Variants in PDE10A observed in about 807,000 individuals in gnomAD.
The protein encoded by PDE10A is phosphodiesterase 10A.
In PDE10A, 39 loss-of-function variants were observed where a neutral mutation model predicts 97.7. The observed-to-expected ratio is 0.40, with a 90% confidence interval of 0.31 to 0.52. PDE10A has a LOEUF of 0.52. Ranked by LOEUF, PDE10A falls within the 20% of genes least tolerant of loss-of-function variation. The pLI is 0.56. For missense variants in PDE10A, 731 were observed against 1,047.8 expected, an observed-to-expected ratio of 0.70 and a Z score of 4.17; for synonymous variants, 371 against 376.8, an observed-to-expected ratio of 0.98 and a Z score of 0.18.
At chr6:165,650,572 C>T (rs541531160) in intron 1 of PDE10A, among the ~76,000 whole-genome samples, 2 of 152,294 alleles carry the variant, frequency 1.3e-5, no homozygotes, top group South Asian at 4.1e-4. Flanking sequence ...TCTGGACATT[C>T]GTTTACACTG....
chr6:165,605,046 ACT>A (rs1359815676), intron 1 of PDE10A, among the ~76,000 whole-genome samples: 12 of 151,940 alleles, frequency 7.9e-5, no homozygotes, highest in Non-Finnish European at 1.8e-4. Context: ...TCTTTGCCTC[ACT>A]CTTTACATTT....
intron 2 of PDE10A, among the ~76,000 whole-genome samples, chr6:165,542,853 C>T (rs973411859): frequency 6.6e-6 from 1 of 151,780 alleles, no homozygotes. Flanking sequence ...CTCCTGACCT[C>T]GTGATCCGCC....
At chr6:165,622,964 C>A (rs1009390308) in intron 1 of PDE10A, among the ~76,000 whole-genome samples, 14 of 152,082 alleles carry the variant, frequency 9.2e-5, no homozygotes, top group South Asian at 4.2e-4. Context: ...CTCCTCCCCC[C>A]ACCCTTACTC....
intron 1 of PDE10A, among the ~76,000 whole-genome samples, chr6:165,755,824 T>C (rs898535194): frequency 2.6e-5 from 4 of 152,304 alleles, no homozygotes; most frequent in Non-Finnish European, 5.9e-5. Context: ...CTGATAGGAC[T>C]TGGGGGATAG....
chr6:165,617,717 C>A (rs1472171210), intron 1 of PDE10A, among the ~76,000 whole-genome samples: 1 of 152,116 alleles, frequency 6.6e-6, no homozygotes, highest in Non-Finnish European at 1.5e-5. Flanking sequence ...TCAGTCCCAG[C>A]ACGCAGATGT....
intron 1 of PDE10A, among the ~76,000 whole-genome samples, chr6:165,637,195 C>G (rs2128417936): frequency 6.6e-6 from 1 of 152,304 alleles, no homozygotes; most frequent in African/African-American, 2.4e-5. Context: ...TTGCAGCTAG[C>G]TAGGGTGACC....
chr6:165,489,466 C>A lies in PDE10A; in HGVS notation c.995-7123G>T, dbSNP rs73037845. On this transcript the variant is annotated intron_variant, in intron 2 of 21. Coordinates refer to ENST00000539869, the MANE Select transcript of PDE10A (RefSeq NM_001385079.1). The stretch of plus-strand genomic sequence containing the variant: ...TGAACAGCAGCCCTTGAGTCCCAGA[C>A]CTTCCCTCTGACAACAGTCTACCCA... 2.3e-3 allele frequency among the ~76,000 whole-genome samples: 354 copies of A among 152,316 alleles called. 1 individual carries two copies. Among genetic ancestry groups the A allele is most frequent in the Non-Finnish European group, 3.9e-3 (266 of 68,020 alleles).
chr6:165,472,030 G>C lies in PDE10A; in HGVS notation c.1023+10285C>G, dbSNP rs1181933615. ...TTATTTTCCTAGCTTTAAATAACTT[G>C]AGATGAGTTATTTTCCTAGCACACT... On this transcript the variant is annotated intron_variant, in intron 3 of 21. Coordinates refer to ENST00000539869, the MANE Select transcript of PDE10A (RefSeq NM_001385079.1). 2.6e-5 allele frequency among the ~76,000 whole-genome samples: 4 copies of C among 151,984 alleles called. No homozygotes were observed. In the East Asian group the frequency reaches 7.7e-4, roughly 29 times the overall value.
At chr6:165,708,549 AC>A (rs1179894238) in intron 1 of PDE10A, among the ~76,000 whole-genome samples, 1 of 151,244 alleles carries the variant, frequency 6.6e-6, no homozygotes, top group Non-Finnish European at 1.5e-5. Flanking sequence ...CAGTGCCTCC[AC>A]CCCCACGCCT....
At position 165,961,087 on chromosome 6, in the gene PDE10A, C is replaced by CCA. The variant is rs1205327217; in HGVS notation, c.-615+26440_-615+26441dup. The stretch of plus-strand genomic sequence containing the variant: ...TGACCCCCTCTCAGCCTGTCGATCT[C>CCA]CAGTCCGAGGCCAGGCTTGTGGTGG... On this transcript the variant is annotated intron_variant, in intron 1 of 19. Transcript: ENST00000366882. Among the ~76,000 whole-genome samples, 7 of 152,048 alleles carry CCA rather than the reference C, an allele frequency of 4.6e-5. No homozygotes were observed. The East Asian group carries it at 1.4e-3, about 29-fold the overall frequency.
intron 1 of PDE10A, among the ~76,000 whole-genome samples, chr6:165,926,008 A>G (rs898701851): frequency 2.6e-5 from 4 of 152,182 alleles, no homozygotes; most frequent in African/African-American, 9.6e-5. Context: ...GCTCTGTATT[A>G]TTTTTTACAA....
At chr6:165,380,808 T>C (rs1784883020) in intron 17 of PDE10A, among the ~76,000 whole-genome samples, 1 of 152,218 alleles carries the variant, frequency 6.6e-6, no homozygotes, top group Non-Finnish European at 1.5e-5. Context: ...TGTAGAAAGT[T>C]CTAAGAAGGA....
intron 1 of PDE10A, among the ~76,000 whole-genome samples, chr6:165,794,907 T>C (rs1209654776): frequency 1.3e-5 from 2 of 152,254 alleles, no homozygotes; most frequent in Admixed American, 1.3e-4. Context: ...TGTTCATGAA[T>C]AAACATGAAT....
Position 165,708,988 on chromosome 6 carries a change from C to G in PDE10A, c.-614-165420G>C, listed in dbSNP as rs369922626. Reference sequence around the variant, plus strand: ...CCACGCTCACCCCCCACTCTCCACCCCCATGCTGCCACGCTCACCCCCCAC... The same window carrying G: ...CCACGCTCACCCCCCACTCTCCACCGCCATGCTGCCACGCTCACCCCCCAC... On this transcript the variant is annotated intron_variant, in intron 1 of 19. Transcript: ENST00000366882. 2.6e-3 allele frequency among the ~76,000 whole-genome samples: 6 copies of G among 2,280 alleles called. No homozygotes were observed. The African/African-American group carries it at 0.028, about 11-fold the overall frequency. The allele number at this position is 2,280 out of a possible 152,430, so 1.5% of individuals were successfully genotyped here. A position where few individuals can be genotyped will look rare whatever the true frequency, so the allele number is the denominator to read the frequency against.
intron 1 of PDE10A, among the ~76,000 whole-genome samples, chr6:165,563,218 AAAAG>A (rs1346061841): frequency 7.0e-6 from 1 of 143,026 alleles, no homozygotes; most frequent in Non-Finnish European, 1.5e-5. Flanking sequence ...GGAAAAAGAA[AAAAG>A]AAAGAGAGGA....
chr6:165,804,642 C>T (rs1779068014), intron 1 of PDE10A, among the ~76,000 whole-genome samples: 1 of 152,104 alleles, frequency 6.6e-6, no homozygotes, highest in Non-Finnish European at 1.5e-5. Context: ...ACCCGGGGGC[C>T]TTGGCCTGCA....
intron 1 of PDE10A, among the ~76,000 whole-genome samples, chr6:165,975,028 A>G (rs376210630): frequency 1.3e-5 from 2 of 152,200 alleles, no homozygotes; most frequent in East Asian, 1.9e-4. Context: ...GCTGCACTTC[A>G]TCTCATTGTC....
rs557262220 is a variant in PDE10A, at chr6:165,908,279, G to A, written c.-615+79250C>T. ...GGACTTCACACACCTGGGAAGGCTG[G>A]GTCTTGTGTTTTGCTTTGTTTCTTC... On this transcript the variant is annotated intron_variant, in intron 1 of 19. Coordinates refer to the PDE10A transcript ENST00000366882. Among the ~76,000 whole-genome samples, 5 of 152,312 alleles carry A rather than the reference G, an allele frequency of 3.3e-5. No homozygotes were observed. In the South Asian group the frequency reaches 1.0e-3, roughly 32 times the overall value.
intron 1 of PDE10A, among the ~76,000 whole-genome samples, chr6:165,617,013 A>G (rs1787755811): frequency 6.6e-6 from 1 of 152,242 alleles, no homozygotes; most frequent in East Asian, 1.9e-4. Context: ...AAAACCTTTG[A>G]GAAAATACAT....
Sources: gnomAD v4.1 joint callset for allele counts (sites outside exome capture counted in the v4.1 genomes callset) on GRCh38, gnomAD v4.1.1 for gene constraint, MANE v1.5 for transcripts, NCBI Gene and HGNC (gene_info 2026-07-23, HGNC 2026-07-21) for gene names.